Variants in FHIT observed in about 807,000 individuals in gnomAD.
FHIT encodes bis(5'-adenosyl)-triphosphatase.
A neutral mutation model predicts 17.9 loss-of-function variants in FHIT; 19 were observed. The ratio of observed to expected loss-of-function variants is 1.06; its 90% CI spans 0.74 to 1.56. The LOEUF is 1.56. Ranked by LOEUF, FHIT falls within the 40% of genes most tolerant of loss-of-function variation. FHIT has a pLI of 0.00. For missense variants in FHIT, 248 were observed against 189.2 expected (o/e 1.31, Z -1.82); for synonymous variants, 81 against 69.7 (o/e 1.16, Z -0.81).
At chr3:60,915,292 A>G (rs1236494639) in intron 3 of FHIT, among the ~76,000 whole-genome samples, 1 of 152,290 alleles carries the variant, frequency 6.6e-6, no homozygotes, top group East Asian at 1.9e-4. Flanking sequence ...GCCTCCTGAT[A>G]CCACATATAA....
At chr3:61,131,574 C>T (rs1054469518) in intron 2 of FHIT, among the ~76,000 whole-genome samples, 2 of 152,130 alleles carry the variant, frequency 1.3e-5, no homozygotes, top group African/African-American at 4.8e-5. Flanking sequence ...GCAAAGTGGC[C>T]CAGGTACATA....
chr3:60,345,864 G>C (rs960251908), intron 5 of FHIT, among the ~76,000 whole-genome samples: 2 of 151,324 alleles, frequency 1.3e-5, no homozygotes, highest in Admixed American at 1.3e-4. Context: ...TAACATATTT[G>C]TATATACACA....
intron 1 of FHIT, among the ~76,000 whole-genome samples, chr3:61,206,875 G>A (rs1021207783): frequency 6.6e-6 from 1 of 152,188 alleles, no homozygotes; most frequent in African/African-American, 2.4e-5. Flanking sequence ...AGTGGTGAGA[G>A]AGGGCATCCC....
rs115496568 is a variant in FHIT, at chr3:60,614,137, G to A, written c.-17-77158C>T. Among the ~76,000 whole-genome samples, 680 of 152,158 alleles carry A rather than the reference G, an allele frequency of 4.5e-3. 7 individuals carry two copies. Among genetic ancestry groups the A allele is most frequent in the Middle Eastern group, 0.024 (7 of 294 alleles). On this transcript the variant is annotated intron_variant, in intron 4 of 9. Coordinates refer to ENST00000492590, the MANE Select transcript of FHIT (RefSeq NM_002012.4). ...CCTGAAGATGGATATTAGGAAGTAG[G>A]TGCCCACTGAGAATGAGAGTAAAAA...
intron 5 of FHIT, among the ~76,000 whole-genome samples, chr3:60,190,891 C>T (rs796454389): frequency 6.6e-6 from 1 of 151,726 alleles, no homozygotes; most frequent in East Asian, 1.9e-4. Context: ...TGCAGTGAGC[C>T]GAGATTGCAC....
chr3:60,498,036 A>T (rs1337200694), intron 5 of FHIT, among the ~76,000 whole-genome samples: 1 of 152,240 alleles, frequency 6.6e-6, no homozygotes, highest in African/African-American at 2.4e-5. Context: ...TCACTGTAAC[A>T]CAAAAACAGC....
intron 5 of FHIT, among the ~76,000 whole-genome samples, chr3:60,450,137 G>A (rs571262948): frequency 1.8e-4 from 28 of 151,910 alleles, no homozygotes; most frequent in African/African-American, 6.5e-4. Flanking sequence ...GTGAGTGAAT[G>A]TGAAGATCTA....
intron 5 of FHIT, among the ~76,000 whole-genome samples, chr3:60,383,383 A>T (rs544346506): frequency 2.3e-4 from 35 of 152,232 alleles, no homozygotes; most frequent in African/African-American, 8.2e-4. Context: ...CCAAGGGTCA[A>T]TTTTGCTCCC....
intron 3 of FHIT, among the ~76,000 whole-genome samples, chr3:60,886,739 A>T (rs1705240227): frequency 1.3e-5 from 2 of 152,148 alleles, no homozygotes; most frequent in African/African-American, 4.8e-5. Context: ...TTTTAAATAG[A>T]TCTTCCTGGT....
At chr3:60,362,949 C>G (rs1302779288) in intron 5 of FHIT, among the ~76,000 whole-genome samples, 1 of 152,082 alleles carries the variant, frequency 6.6e-6, no homozygotes, top group Non-Finnish European at 1.5e-5. Context: ...AGAAGGTATC[C>G]CCAGCCTTTT....
At chr3:60,442,274 A>G (rs1196824535) in intron 5 of FHIT, among the ~76,000 whole-genome samples, 2 of 152,114 alleles carry the variant, frequency 1.3e-5, no homozygotes, top group Admixed American at 6.6e-5. Context: ...CCTAAGTGAC[A>G]AAGACTTTTT....
intron 5 of FHIT, among the ~76,000 whole-genome samples, chr3:60,339,043 T>A (rs531753998): frequency 6.6e-6 from 1 of 152,284 alleles, no homozygotes; most frequent in East Asian, 1.9e-4. Context: ...AACTTTACAT[T>A]TGCTATTTCT....
intron 5 of FHIT, among the ~76,000 whole-genome samples, chr3:60,316,830 A>C (rs1288224807): frequency 6.6e-6 from 1 of 152,194 alleles, no homozygotes; most frequent in East Asian, 1.9e-4. Context: ...GCACACACTC[A>C]ATATTTTGAT....
intron 4 of FHIT, among the ~76,000 whole-genome samples, chr3:60,712,583 T>C (rs1373575891): frequency 2.0e-5 from 3 of 151,824 alleles, no homozygotes; most frequent in East Asian, 1.9e-4. Flanking sequence ...TGGAGGAAGA[T>C]CTACCAAGCA....
At chr3:60,326,316 G>A (rs1709691401) in intron 5 of FHIT, among the ~76,000 whole-genome samples, 1 of 152,058 alleles carries the variant, frequency 6.6e-6, no homozygotes, top group Non-Finnish European at 1.5e-5. Flanking sequence ...GTGACTAGCT[G>A]GTCCCATCTG....
chr3:60,793,539 G>A (rs1700863625), intron 4 of FHIT, among the ~76,000 whole-genome samples: 1 of 152,330 alleles, frequency 6.6e-6, no homozygotes, highest in East Asian at 1.9e-4. Flanking sequence ...CTGACCTCAG[G>A]TGATCTGCCT....
intron 4 of FHIT, among the ~76,000 whole-genome samples, chr3:60,605,938 T>C (rs142050522): frequency 2.9e-4 from 44 of 152,308 alleles, no homozygotes; most frequent in African/African-American, 1.1e-3. Flanking sequence ...CTATAGTATC[T>C]GACTGCTCTG....
At chr3:60,589,601 G>A (rs1023871932) in intron 4 of FHIT, among the ~76,000 whole-genome samples, 19 of 152,004 alleles carry the variant, frequency 1.2e-4, no homozygotes, top group South Asian at 2.1e-4. Context: ...TGTCCACGTC[G>A]GGGGATATAT....
chr3:61,192,810 G>A (rs1195106324), intron 2 of FHIT, among the ~76,000 whole-genome samples: 1 of 152,130 alleles, frequency 6.6e-6, no homozygotes, highest in East Asian at 1.9e-4. Context: ...CCAGAAAAAG[G>A]ATTAATCATG....
Sources: allele counts gnomAD v4.1 joint callset (sites outside exome capture counted in the v4.1 genomes callset), GRCh38; gene constraint gnomAD v4.1.1; transcripts MANE v1.5; gene names NCBI Gene and HGNC (gene_info 2026-07-23, HGNC 2026-07-21).